ZNF469: variants seen among roughly 807,000 people sequenced by gnomAD.
ZNF469 encodes zinc finger protein 469.
In ZNF469, 1 loss-of-function variant was observed where a neutral mutation model predicts 1.0. That is an observed-to-expected ratio of 1.00 (90% CI 0.35 to 4.73). The LOEUF is 4.73. Ranked by LOEUF, ZNF469 falls within the 30% of genes most tolerant of loss-of-function variation. The probability of loss-of-function intolerance (pLI) is 0.16; values close to 1 mark genes in which losing one functional copy is unlikely to be tolerated. For synonymous variants in ZNF469, 2,703 were observed against 2,363.4 expected, an observed-to-expected ratio of 1.14 and a Z score of -4.17; for missense variants, 6,100 against 5,356.3, an observed-to-expected ratio of 1.14 and a Z score of -4.33.
intron 1 of ZNF469, among the ~76,000 whole-genome samples, chr16:88,413,139 G>A (rs555558594): frequency 8.5e-5 from 13 of 152,212 alleles, no homozygotes; most frequent in African/African-American, 1.2e-4. Context: ...GGCCATAGTC[G>A]TGCGTAAAGC....
upstream of ZNF469, among the ~76,000 whole-genome samples, chr16:88,381,562 A>G (rs555178605): frequency 1.3e-5 from 2 of 152,318 alleles, no homozygotes; most frequent in South Asian, 4.1e-4. Context: ...ACTTTAGGAA[A>G]CCCGCTTGAT....
chr16:88,297,544 G>A, the ZNF469 span, among the ~76,000 whole-genome samples: 5 of 152,178 alleles, frequency 3.3e-5, no homozygotes, highest in African/African-American at 9.7e-5. Context: ...AGTGGGAAAC[G>A]GAAGCTGTTG....
chr16:88,425,229 C>T (rs1905647662), intron 2 of ZNF469, among the ~76,000 whole-genome samples: 1 of 152,200 alleles, frequency 6.6e-6, no homozygotes, highest in Non-Finnish European at 1.5e-5. Context: ...AAGGCCACCT[C>T]CTCCAGGAGG....
At chr16:88,212,053 G>C in the ZNF469 span, among the ~76,000 whole-genome samples, 231 of 152,284 alleles carry the variant, frequency 1.5e-3, no homozygotes, top group African/African-American at 5.5e-3. Flanking sequence ...CAGTTGCCTT[G>C]CTTTGTTTAT....
chr16:88,247,613 TG>T, the ZNF469 span, among the ~76,000 whole-genome samples: 1 of 132,012 alleles, frequency 7.6e-6, no homozygotes, highest in South Asian at 3.0e-4. Flanking sequence ...AGTGAGTGAA[TG>T]TTTGATTGAA....
chr16:88,370,064 T>C, the ZNF469 span, among the ~76,000 whole-genome samples: 1 of 152,260 alleles, frequency 6.6e-6, no homozygotes, highest in East Asian at 1.9e-4. Context: ...AAGTTGCCCT[T>C]GATCCTGTGG....
At chr16:88,361,903 A>G in the ZNF469 span, among the ~76,000 whole-genome samples, 6 of 152,274 alleles carry the variant, frequency 3.9e-5, no homozygotes, top group East Asian at 1.2e-3. Flanking sequence ...TGCCTGTGTC[A>G]TTGGTTGGAA....
At chr16:88,323,428 A>G in the ZNF469 span, among the ~76,000 whole-genome samples, 1 of 151,904 alleles carries the variant, frequency 6.6e-6, no homozygotes, top group African/African-American at 2.4e-5. Flanking sequence ...CTTCCTTCCC[A>G]CTTCTCTGTA....
chr16:88,201,211 C>T, the ZNF469 span, among the ~76,000 whole-genome samples: 5 of 152,258 alleles, frequency 3.3e-5, no homozygotes, highest in Non-Finnish European at 4.4e-5. This position sits in a 1 kb window ranked among gnomAD's most constrained non-coding sequence, Gnocchi z 5.0. Flanking sequence ...ATGCAGTTCA[C>T]TGTAGTTCTC....
At chr16:88,142,927 C>T in the ZNF469 span, among the ~76,000 whole-genome samples, 1 of 152,160 alleles carries the variant, frequency 6.6e-6, no homozygotes, top group Non-Finnish European at 1.5e-5. Context: ...GCACAGGGCC[C>T]CTCAGGGAGA....
chr16:88,206,000 C>G, the ZNF469 span, among the ~76,000 whole-genome samples: 1 of 152,134 alleles, frequency 6.6e-6, no homozygotes, highest in Non-Finnish European at 1.5e-5. The surrounding 1 kb of genome is among the most constrained non-coding windows in gnomAD (Gnocchi z 4.2). Flanking sequence ...GGACCCTGAG[C>G]CCCCACCCCG....
At chr16:88,195,067 A>G in the ZNF469 span, 6 of 152,250 alleles carry the variant, frequency 3.9e-5, no homozygotes, top group African/African-American at 1.4e-4. Flanking sequence ...CGCCTTTCAG[A>G]TCTGACGGGA....
chr16:88,309,595 C>T, the ZNF469 span, among the ~76,000 whole-genome samples: 30 of 143,132 alleles, frequency 2.1e-4, 1 homozygote, highest in East Asian at 2.0e-3. Flanking sequence ...GGACAACTGG[C>T]GGGGGTAGTG....
At chr16:88,227,405 C>T in the ZNF469 span, among the ~76,000 whole-genome samples, 1 of 152,102 alleles carries the variant, frequency 6.6e-6, no homozygotes, top group African/African-American at 2.4e-5. Context: ...TTCTCTCTGT[C>T]TCCTGGCTCC....
chr16:88,371,282 G>T, the ZNF469 span, among the ~76,000 whole-genome samples: 1 of 152,218 alleles, frequency 6.6e-6, no homozygotes, highest in Non-Finnish European at 1.5e-5. Flanking sequence ...ACAATGCTCC[G>T]ATAGATAAAC....
At chr16:88,123,863 G>T in the ZNF469 span, among the ~76,000 whole-genome samples, 1 of 152,158 alleles carries the variant, frequency 6.6e-6, no homozygotes, top group African/African-American at 2.4e-5. Flanking sequence ...GAGTGCAATG[G>T]AGCAGTGTCG....
rs1041776692 is a variant in ZNF469, at chr16:88,438,870, G to C, written c.11400G>C (p.Gly3800=). ...TKGPREAGEQ[G]PHGSLGPKEK... ...GGCCAAGGGAAGCTGGTGAGCAGGG[G>C]CCCCACGGGAGCCTAGGTCCCAAGG... The change falls in exon 3 of 3, where the codon GGG becomes GGC. Residue 3800 remains glycine (G), a synonymous_variant. Coordinates refer to ENST00000565624, the MANE Select transcript of ZNF469 (RefSeq NM_001367624.2). 29 of 1,550,380 alleles carry C rather than the reference G, an allele frequency of 1.9e-5. No homozygotes were observed. Among genetic ancestry groups the C allele is most frequent in the Non-Finnish European group, 2.4e-5 (28 of 1,146,996 alleles).
chr16:88,374,122 C>T, the ZNF469 span, among the ~76,000 whole-genome samples: 1 of 152,104 alleles, frequency 6.6e-6, no homozygotes, highest in Non-Finnish European at 1.5e-5. Flanking sequence ...TGCACATAGC[C>T]CTGCATGGGG....
At chr16:88,188,356 G>C in the ZNF469 span, among the ~76,000 whole-genome samples, 3 of 152,166 alleles carry the variant, frequency 2.0e-5, no homozygotes, top group African/African-American at 7.2e-5. Flanking sequence ...TCTCCTTAGT[G>C]TCTGTGTAGA....
Sources: allele counts gnomAD v4.1 joint callset (sites outside exome capture counted in the v4.1 genomes callset), GRCh38; gene constraint gnomAD v4.1.1; non-coding constraint Gnocchi (gnomAD v3.1); transcripts MANE v1.5; gene names NCBI Gene and HGNC (gene_info 2026-07-23, HGNC 2026-07-21).